NTM: variants seen among roughly 807,000 people sequenced by gnomAD.
NTM encodes the protein IgLON family member 2.
In NTM, 13 loss-of-function variants were observed where a neutral mutation model predicts 42.1. The observed-to-expected ratio is 0.31, with a 90% confidence interval of 0.20 to 0.49. The LOEUF (loss-of-function observed/expected upper bound fraction) is 0.49, where lower values mean the gene tolerates loss of function less well. Among genes scored for constraint, NTM ranks in the 20% least tolerant of loss-of-function variants. The pLI is 0.99. For missense variants in NTM, 373 were observed against 452.8 expected (o/e 0.82, Z 1.60); for synonymous variants, 187 against 179.2 (o/e 1.04, Z -0.35).
intron 1 of NTM, among the ~76,000 whole-genome samples, chr11:131,556,766 C>G (rs2055486499): frequency 6.6e-6 from 1 of 151,958 alleles, no homozygotes; most frequent in African/African-American, 2.4e-5. Context: ...CGGGTTTTCA[C>G]CGTATTGGCC....
At chr11:132,178,333 C>CT (rs1050397669) in intron 3 of NTM, among the ~76,000 whole-genome samples, 1 of 152,136 alleles carries the variant, frequency 6.6e-6, no homozygotes, top group African/African-American at 2.4e-5. Context: ...ACAAGGCTTC[C>CT]TTTTTACTCA....
chr11:131,963,229 C>G (rs1356386876), intron 2 of NTM, among the ~76,000 whole-genome samples: 2 of 152,176 alleles, frequency 1.3e-5, no homozygotes, highest in Non-Finnish European at 2.9e-5. Context: ...GCTCCCCAAG[C>G]ACCCCAAATC....
intron 1 of NTM, among the ~76,000 whole-genome samples, chr11:131,788,690 T>C (rs1260295162): frequency 1.3e-5 from 2 of 152,172 alleles, no homozygotes; most frequent in Non-Finnish European, 2.9e-5. Context: ...ATTTGGGAAA[T>C]GTTTCTTCCT....
intron 3 of NTM, among the ~76,000 whole-genome samples, chr11:132,192,113 T>A (rs200314154): frequency 6.6e-6 from 1 of 152,044 alleles, no homozygotes; most frequent in African/African-American, 2.4e-5. Context: ...TCCAAAAAAT[T>A]TTCCCAGTGT....
intron 1 of NTM, among the ~76,000 whole-genome samples, chr11:131,685,633 C>G (rs983353074): frequency 3.3e-5 from 5 of 152,118 alleles, no homozygotes; most frequent in African/African-American, 1.2e-4. Flanking sequence ...GCCCGCCAAT[C>G]GCCCTATTTC....
At chr11:132,089,737 C>T (rs540031069) in intron 2 of NTM, among the ~76,000 whole-genome samples, 1 of 152,256 alleles carries the variant, frequency 6.6e-6, no homozygotes, top group South Asian at 2.1e-4. Context: ...CCATTTTCCA[C>T]CCAAGCTTCA....
intron 2 of NTM, among the ~76,000 whole-genome samples, chr11:132,008,151 A>G (rs534787571): frequency 1.3e-5 from 2 of 152,328 alleles, no homozygotes; most frequent in South Asian, 4.1e-4. Flanking sequence ...TCTTGACTCC[A>G]CTGTATGGGG....
rs2070068837 is a variant in NTM at position 132,003,924 on chromosome 11, GC to G, written c.167+92279del. Among the ~76,000 whole-genome samples, 1 of 152,154 alleles carries G rather than the reference GC, an allele frequency of 6.6e-6. No individual in the cohort carries two copies. Among genetic ancestry groups the G allele is most frequent in the Non-Finnish European group, 1.5e-5 (1 of 68,036 alleles). On this transcript the variant is annotated intron_variant, in intron 2 of 8. Transcript: ENST00000683400. The surrounding 1 kb of genome is among the most constrained non-coding windows in gnomAD (Gnocchi z 6.0). ...TTGAACATTCTTTAGCCACTCGATGGCCCAGAGCCCCATCCTCATTGTTCAG... is the reference window on the plus strand; with the variant it reads ...TTGAACATTCTTTAGCCACTCGATGGCCAGAGCCCCATCCTCATTGTTCAG...
At chr11:132,020,693 A>G (rs563279552) in intron 2 of NTM, among the ~76,000 whole-genome samples, 29 of 152,200 alleles carry the variant, frequency 1.9e-4, no homozygotes, top group Non-Finnish European at 3.7e-4. Flanking sequence ...TCCTTTTGGT[A>G]CTTGAATATA....
chr11:132,283,606 G>C (rs1228808529), intron 4 of NTM, among the ~76,000 whole-genome samples: 1 of 152,124 alleles, frequency 6.6e-6, no homozygotes, highest in South Asian at 2.1e-4. Flanking sequence ...AAAAATATTT[G>C]CATCATGGTT....
At chr11:132,305,846 ATGT>A (rs1023942979) in intron 4 of NTM, among the ~76,000 whole-genome samples, 23 of 152,236 alleles carry the variant, frequency 1.5e-4, no homozygotes, top group Admixed American at 1.4e-3. Flanking sequence ...ATTTGGGTTA[ATGT>A]TGTTTGTCCT....
chr11:132,194,235 C>T (rs2079797628), intron 3 of NTM, among the ~76,000 whole-genome samples: 1 of 152,000 alleles, frequency 6.6e-6, no homozygotes, highest in South Asian at 2.1e-4. Context: ...ACTAGCAAAC[C>T]TAATCCAGCA....
chr11:131,550,014 A>G (rs1275675127), intron 1 of NTM, among the ~76,000 whole-genome samples: 2 of 152,208 alleles, frequency 1.3e-5, no homozygotes, highest in Non-Finnish European at 2.9e-5. Context: ...CAGTGTTTAC[A>G]TTGCTCAGGG....
At chr11:131,452,019 G>A (rs1950525532) in intron 1 of NTM, among the ~76,000 whole-genome samples, 1 of 152,148 alleles carries the variant, frequency 6.6e-6, no homozygotes, top group Non-Finnish European at 1.5e-5. Context: ...CTGGGCTGCC[G>A]CCCCCTTCCC....
chr11:132,249,975 G>A (rs141587773), intron 4 of NTM, among the ~76,000 whole-genome samples: 513 of 152,178 alleles, frequency 3.4e-3, no homozygotes, highest in Non-Finnish European at 5.9e-3. Flanking sequence ...CCTTCTTTCT[G>A]TTTATTTCTT....
chr11:131,593,012 G>A (rs2059515959), intron 1 of NTM, among the ~76,000 whole-genome samples: 1 of 152,170 alleles, frequency 6.6e-6, no homozygotes, highest in African/African-American at 2.4e-5. Flanking sequence ...CTCTTGTCCT[G>A]TTCTCCCTGC....
At chr11:131,397,900 C>T (rs1275556470) in intron 1 of NTM, among the ~76,000 whole-genome samples, 1 of 152,200 alleles carries the variant, frequency 6.6e-6, no homozygotes, top group African/African-American at 2.4e-5. Flanking sequence ...CATCTGTCTG[C>T]CCTTCACTTG....
intron 2 of NTM, among the ~76,000 whole-genome samples, chr11:131,924,934 C>G (rs183554529): frequency 6.6e-6 from 1 of 152,196 alleles, no homozygotes; most frequent in African/African-American, 2.4e-5. Context: ...ATTACAATTT[C>G]TTGGCAAGAC....
chr11:131,962,682 G>T (rs2062351924), intron 2 of NTM, among the ~76,000 whole-genome samples: 2 of 152,182 alleles, frequency 1.3e-5, no homozygotes, highest in African/African-American at 2.4e-5. Flanking sequence ...ACTAATGTTT[G>T]CAATCCACAC....
Sources: gnomAD v4.1 joint callset for allele counts (sites outside exome capture counted in the v4.1 genomes callset) on GRCh38, gnomAD v4.1.1 for gene constraint, Gnocchi (gnomAD v3.1) non-coding constraint, MANE v1.5 for transcripts, NCBI Gene and HGNC (gene_info 2026-07-23, HGNC 2026-07-21) for gene names.